Variants in CALCRL observed in about 807,000 individuals in gnomAD.
The protein encoded by CALCRL is calcitonin gene-related peptide type 1 receptor.
A neutral mutation model predicts 60.4 loss-of-function variants in CALCRL; 27 were observed. That is an observed-to-expected ratio of 0.45 (90% confidence interval 0.33 to 0.62). CALCRL has a LOEUF of 0.62. Ranked by LOEUF, CALCRL falls within the 20% of genes least tolerant of loss-of-function variation. CALCRL has a pLI of 0.03. For missense variants in CALCRL, 424 were observed against 540.7 expected (o/e 0.78, Z 2.14); for synonymous variants, 190 against 182.6 (o/e 1.04, Z -0.33).
intron 1 of CALCRL, among the ~76,000 whole-genome samples, chr2:187,409,198 T>C (rs1004432542): frequency 6.6e-6 from 1 of 152,030 alleles, no homozygotes; most frequent in African/African-American, 2.4e-5. Context: ...CATCAAGTCA[T>C]TTTTTTTCTC....
chr2:187,427,416 G>C (rs975216171), intron 1 of CALCRL, among the ~76,000 whole-genome samples: 1 of 151,998 alleles, frequency 6.6e-6, no homozygotes, highest in Non-Finnish European at 1.5e-5. Flanking sequence ...CCATTATGGT[G>C]GGCAATGTAG....
At chr2:187,433,716 A>G (rs576935971) in intron 1 of CALCRL, among the ~76,000 whole-genome samples, 18 of 152,238 alleles carry the variant, frequency 1.2e-4, no homozygotes, top group South Asian at 4.1e-4. Flanking sequence ...TACTTTCTTG[A>G]TATAATGTTG....
intron 1 of CALCRL, among the ~76,000 whole-genome samples, chr2:187,396,506 A>G (rs1688659701): frequency 6.6e-6 from 1 of 151,890 alleles, no homozygotes; most frequent in Non-Finnish European, 1.5e-5. Context: ...TTTGCATTTA[A>G]GAGAAAATCA....
chr2:187,380,252 T>C (rs1350100875), intron 7 of CALCRL, among the ~76,000 whole-genome samples: 2 of 152,208 alleles, frequency 1.3e-5, no homozygotes. Context: ...TAAATTACAC[T>C]ATTACCTAAA....
intron 1 of CALCRL, among the ~76,000 whole-genome samples, chr2:187,434,413 A>G (rs1195734556): frequency 1.3e-5 from 2 of 152,172 alleles, no homozygotes; most frequent in Admixed American, 6.5e-5. Context: ...TAATAAGGAA[A>G]ATGCAGATTA....
Position 187,362,707 on chromosome 2 carries a change from C to G in CALCRL, c.627+669G>C, listed in dbSNP as rs181393466. The stretch of plus-strand genomic sequence containing the variant: ...ATTTTACATATGCATATAGCTTACA[C>G]AAAATATTTACATTTAGATAAGTAA... On this transcript the variant is annotated intron_variant, in intron 9 of 14. Transcript: ENST00000392370. 1.4e-3 allele frequency among the ~76,000 whole-genome samples: 207 copies of G among 151,972 alleles called. 1 individual carries two copies. The highest frequency in any genetic ancestry group is 1.6e-3 in the Non-Finnish European group (112 of 67,886).
chr2:187,396,533 A>C (rs1453411056), intron 1 of CALCRL, among the ~76,000 whole-genome samples: 1 of 151,874 alleles, frequency 6.6e-6, no homozygotes, highest in Non-Finnish European at 1.5e-5. Flanking sequence ...CAAGACTTTT[A>C]AATATGCAGA....
At chr2:187,372,612 A>T (rs1687580347) in intron 8 of CALCRL, among the ~76,000 whole-genome samples, 1 of 152,136 alleles carries the variant, frequency 6.6e-6, no homozygotes, top group Non-Finnish European at 1.5e-5. Context: ...CAGTACCCTA[A>T]ATCAACTTTT....
At chr2:187,403,112 A>G (rs749370740) in intron 1 of CALCRL, among the ~76,000 whole-genome samples, 5 of 151,742 alleles carry the variant, frequency 3.3e-5, no homozygotes, top group Non-Finnish European at 7.4e-5. Context: ...TAAAAAATAA[A>G]TGTTTGTTGT....
At chr2:187,438,488 A>G (rs953160349) in intron 1 of CALCRL, among the ~76,000 whole-genome samples, 1 of 152,144 alleles carries the variant, frequency 6.6e-6, no homozygotes, top group Non-Finnish European at 1.5e-5. Flanking sequence ...GTATTCTGCT[A>G]TAGATGTTTT....
At chr2:187,415,913 C>G (rs1689583368) in intron 1 of CALCRL, 2 of 241,710 alleles carry the variant, frequency 8.3e-6, no homozygotes, top group Non-Finnish European at 1.6e-5. Context: ...GCTGGGGAGT[C>G]CCTGCCACAC....
At chr2:187,370,897 G>C (rs1311609512) in intron 8 of CALCRL, among the ~76,000 whole-genome samples, 1 of 152,184 alleles carries the variant, frequency 6.6e-6, no homozygotes, top group Non-Finnish European at 1.5e-5. Flanking sequence ...GAGAGGGATG[G>C]ATTTTTATGT....
chr2:187,363,055 ATGAAG>A (rs1392266102), intron 9 of CALCRL, among the ~76,000 whole-genome samples: 3 of 152,170 alleles, frequency 2.0e-5, no homozygotes, highest in Non-Finnish European at 4.4e-5. Flanking sequence ...CAGCTATAAA[ATGAAG>A]TGAAGATATG....
intron 1 of CALCRL, among the ~76,000 whole-genome samples, chr2:187,408,879 T>G (rs1453697419): frequency 6.6e-6 from 1 of 152,114 alleles, no homozygotes; most frequent in Non-Finnish European, 1.5e-5. Context: ...TCTCTGTGCT[T>G]TCTATAGTCA....
In CALCRL at chr2:187,388,614, T is replaced by C. The variant is rs529451711; in HGVS notation, c.-292-858A>G. Among the ~76,000 whole-genome samples the C allele has an allele frequency of 3.9e-5, 6 of 152,302 alleles. No homozygotes were observed. In the East Asian group the frequency reaches 1.2e-3, roughly 29 times the overall value. On this transcript the variant is annotated intron_variant, in intron 1 of 14. Coordinates refer to ENST00000392370, the MANE Select transcript of CALCRL (RefSeq NM_005795.6). ...GCTAAGTTCTATTTCCCATGCAATTTAATCTAACCTAATGAAATGCCAACC... is the reference window on the plus strand; with the variant it reads ...GCTAAGTTCTATTTCCCATGCAATTCAATCTAACCTAATGAAATGCCAACC...
At chr2:187,426,629 T>G (rs1354050192) in intron 1 of CALCRL, among the ~76,000 whole-genome samples, 1 of 152,090 alleles carries the variant, frequency 6.6e-6, no homozygotes, top group Non-Finnish European at 1.5e-5. Context: ...AATGATTCAC[T>G]GATATATATT....
chr2:187,353,052 A>G (rs1312835542), intron 12 of CALCRL, among the ~76,000 whole-genome samples: 1 of 151,952 alleles, frequency 6.6e-6, no homozygotes. Flanking sequence ...GATGGGAGAC[A>G]TAAACCTTTG....
chr2:187,368,979 T>C (rs918096546), intron 8 of CALCRL, among the ~76,000 whole-genome samples: 1 of 152,138 alleles, frequency 6.6e-6, no homozygotes, highest in African/African-American at 2.4e-5. Context: ...ATATAACCTC[T>C]TTCAATAGCT....
intron 1 of CALCRL, among the ~76,000 whole-genome samples, chr2:187,407,720 C>T (rs892691301): frequency 2.0e-5 from 3 of 152,004 alleles, no homozygotes; most frequent in Non-Finnish European, 4.4e-5. Context: ...AAAGCATTGA[C>T]ACTAAATCTT....
Sources: allele counts gnomAD v4.1 joint callset (sites outside exome capture counted in the v4.1 genomes callset), GRCh38; gene constraint gnomAD v4.1.1; transcripts MANE v1.5; gene names NCBI Gene and HGNC (gene_info 2026-07-23, HGNC 2026-07-21).